DPP10: variants seen among roughly 807,000 people sequenced by gnomAD.
The protein encoded by DPP10 is dipeptidyl peptidase like 10, also known as inactive dipeptidyl peptidase 10.
A neutral mutation model predicts 120.9 loss-of-function variants in DPP10; 33 were observed. The ratio of observed to expected loss-of-function variants is 0.27; its 90% CI spans 0.21 to 0.37. The LOEUF (loss-of-function observed/expected upper bound fraction) is 0.37, where lower values mean the gene tolerates loss of function less well. Ranked by LOEUF, DPP10 falls within the 10% of genes least tolerant of loss-of-function variation. The probability of loss-of-function intolerance (pLI) is 1.00; values close to 1 mark genes in which losing one functional copy is unlikely to be tolerated. For synonymous variants in DPP10, 337 were observed against 326.1 expected (o/e 1.03, Z -0.36); for missense variants, 816 against 942.8 (o/e 0.87, Z 1.76).
intron 1 of DPP10, among the ~76,000 whole-genome samples, chr2:115,142,593 G>C (rs1200073388): frequency 6.6e-6 from 1 of 152,186 alleles, no homozygotes; most frequent in Non-Finnish European, 1.5e-5. Context: ...GGGTGAGTGT[G>C]GCAGGGCCCA....
chr2:114,817,949 C>T (rs889608813), intron 1 of DPP10, among the ~76,000 whole-genome samples: 1 of 152,142 alleles, frequency 6.6e-6, no homozygotes, highest in East Asian at 1.9e-4. Context: ...GTTTATCTAA[C>T]TCAAGCCAAT....
chr2:115,365,536 T>G (rs554443646), intron 3 of DPP10, among the ~76,000 whole-genome samples: 1 of 152,124 alleles, frequency 6.6e-6, no homozygotes, highest in African/African-American at 2.4e-5. Context: ...GAATTTATTT[T>G]TTTTTCTAAG....
At chr2:115,475,686 G>A (rs1386517783) in intron 3 of DPP10, among the ~76,000 whole-genome samples, 1 of 152,190 alleles carries the variant, frequency 6.6e-6, no homozygotes, top group African/African-American at 2.4e-5. Context: ...GAGAACAGTT[G>A]TGGGGGCTAA....
intron 1 of DPP10, among the ~76,000 whole-genome samples, chr2:114,631,184 G>T (rs1558948657): frequency 6.6e-6 from 1 of 152,150 alleles, no homozygotes; most frequent in East Asian, 1.9e-4. Context: ...AACAGAAAGA[G>T]ACCTGTGTTG....
intron 1 of DPP10, among the ~76,000 whole-genome samples, chr2:115,223,810 G>A (rs568475473): frequency 9.9e-5 from 15 of 152,116 alleles, no homozygotes; most frequent in African/African-American, 3.4e-4. Flanking sequence ...AAGATGTCCT[G>A]GAATGTTTAT....
At chr2:115,621,253 A>C (rs1300355200) in intron 5 of DPP10, among the ~76,000 whole-genome samples, 2 of 152,170 alleles carry the variant, frequency 1.3e-5, no homozygotes, top group African/African-American at 4.8e-5. Context: ...TTTTTAACTT[A>C]AGTGCTAGCT....
intron 1 of DPP10, among the ~76,000 whole-genome samples, chr2:114,548,452 C>T (rs2104852133): frequency 6.6e-6 from 1 of 152,290 alleles, no homozygotes; most frequent in African/African-American, 2.4e-5. Flanking sequence ...AAGTCACTTG[C>T]CTCCTCTCCT....
At chr2:115,584,108 A>G (rs534395910) in intron 5 of DPP10, among the ~76,000 whole-genome samples, 1 of 152,218 alleles carries the variant, frequency 6.6e-6, no homozygotes, top group African/African-American at 2.4e-5. Context: ...AACTGCTGCA[A>G]TTCTGTATCA....
chr2:115,184,614 C>A (rs2054304534), intron 1 of DPP10, among the ~76,000 whole-genome samples: 1 of 152,178 alleles, frequency 6.6e-6, no homozygotes, highest in South Asian at 2.1e-4. Flanking sequence ...TAATTAATGA[C>A]CCAGGCTAAT....
chr2:114,878,194 C>T (rs1013332546), intron 1 of DPP10, among the ~76,000 whole-genome samples: 7 of 151,978 alleles, frequency 4.6e-5, no homozygotes, highest in Admixed American at 2.6e-4. Flanking sequence ...GTCACTCAAA[C>T]GGATTGATTA....
intron 1 of DPP10, among the ~76,000 whole-genome samples, chr2:114,606,668 C>A (rs1310794722): frequency 6.6e-6 from 1 of 152,078 alleles, no homozygotes; most frequent in Non-Finnish European, 1.5e-5. Flanking sequence ...TTAATCAGAC[C>A]CCAAAGCCTT....
intron 1 of DPP10, among the ~76,000 whole-genome samples, chr2:115,214,879 G>A (rs879523832): frequency 6.6e-6 from 1 of 152,094 alleles, no homozygotes; most frequent in African/African-American, 2.4e-5. Context: ...CAATCCACTC[G>A]AATTGACAAT....
intron 2 of DPP10, among the ~76,000 whole-genome samples, chr2:115,333,774 G>A (rs909445375): frequency 6.6e-5 from 10 of 151,884 alleles, no homozygotes; most frequent in African/African-American, 2.2e-4. Context: ...TGGCTTATAG[G>A]GTTTCTGCCG....
intron 1 of DPP10, among the ~76,000 whole-genome samples, chr2:114,723,905 C>T (rs1701872104): frequency 6.6e-6 from 1 of 152,116 alleles, no homozygotes; most frequent in Non-Finnish European, 1.5e-5. Flanking sequence ...TTGGAAGTCA[C>T]AGACTTCAGC....
intron 1 of DPP10, among the ~76,000 whole-genome samples, chr2:115,186,407 TACAA>T (rs1205075115): frequency 6.6e-6 from 1 of 152,210 alleles, no homozygotes; most frequent in Non-Finnish European, 1.5e-5. Context: ...TACGGTGGAA[TACAA>T]ACAGAGCAGC....
chr2:114,889,266 C>T (rs1242302803), intron 1 of DPP10, among the ~76,000 whole-genome samples: 1 of 152,168 alleles, frequency 6.6e-6, no homozygotes, highest in Admixed American at 6.5e-5. Flanking sequence ...CATCCGTGTT[C>T]ACACTGTCTC....
At chr2:115,143,792 A>G (rs564856524) in intron 1 of DPP10, among the ~76,000 whole-genome samples, 11 of 152,194 alleles carry the variant, frequency 7.2e-5, no homozygotes, top group African/African-American at 1.7e-4. Context: ...CGGATACCCA[A>G]TGATCCCCAG....
intron 5 of DPP10, among the ~76,000 whole-genome samples, chr2:115,575,751 A>T (rs1446213534): frequency 4.6e-5 from 7 of 152,190 alleles, no homozygotes; most frequent in African/African-American, 1.7e-4. Flanking sequence ...GTCAGTTGAG[A>T]GAGCATACTG....
chr2:115,096,958 C>T (rs2048429869), intron 1 of DPP10, among the ~76,000 whole-genome samples: 1 of 152,110 alleles, frequency 6.6e-6, no homozygotes, highest in Non-Finnish European at 1.5e-5. Context: ...GAAGTTTAAA[C>T]TCATTTCCTT....
Sources: gnomAD v4.1 joint callset for allele counts (sites outside exome capture counted in the v4.1 genomes callset) on GRCh38, gnomAD v4.1.1 for gene constraint, MANE v1.5 for transcripts, NCBI Gene and HGNC (gene_info 2026-07-23, HGNC 2026-07-21) for gene names.